Variants in COLEC12 observed in about 807,000 individuals in gnomAD.
COLEC12 encodes the protein collectin subfamily member 12.
In COLEC12, 33 loss-of-function variants were observed where a neutral mutation model predicts 71.1. The ratio of observed to expected loss-of-function variants is 0.46; its 90% CI spans 0.35 to 0.62. The LOEUF (loss-of-function observed/expected upper bound fraction) is 0.62, where lower values mean the gene tolerates loss of function less well. Ranked by LOEUF, COLEC12 falls within the 20% of genes least tolerant of loss-of-function variation. COLEC12 has a pLI of 0.00. For missense variants in COLEC12, 765 were observed against 916.1 expected (o/e 0.84, Z 2.13); for synonymous variants, 350 against 353.0 (o/e 0.99, Z 0.10).
chr18:460,341 C>G (rs1916957933), intron 2 of COLEC12, among the ~76,000 whole-genome samples: 1 of 152,114 alleles, frequency 6.6e-6, no homozygotes, highest in Non-Finnish European at 1.5e-5. Flanking sequence ...CATCCCCAGC[C>G]CAAGTTTCAT....
chr18:497,744 C>T (rs1462573933), intron 1 of COLEC12, among the ~76,000 whole-genome samples: 3 of 152,230 alleles, frequency 2.0e-5, no homozygotes, highest in Admixed American at 1.3e-4. Context: ...ATTTACAAGG[C>T]TTGTCGTTGC....
At chr18:414,431 T>C (rs1022244642) in intron 2 of COLEC12, among the ~76,000 whole-genome samples, 1 of 151,964 alleles carries the variant, frequency 6.6e-6, no homozygotes, top group African/African-American at 2.4e-5. Flanking sequence ...AAACCTCGAC[T>C]CTACTAAAAA....
intron 2 of COLEC12, among the ~76,000 whole-genome samples, chr18:467,726 G>A (rs548282642): frequency 1.3e-5 from 2 of 152,086 alleles, no homozygotes; most frequent in Admixed American, 6.5e-5. Context: ...AACAGAGTTC[G>A]TTCAAAACAT....
rs774389385 is a variant in COLEC12, at chr18:347,061, C to T, written c.561G>A (p.Val187=). The T allele has an allele frequency of 2.5e-6, 4 of 1,614,032 alleles. No homozygotes were observed. Among genetic ancestry groups the T allele is most frequent in the African/African-American group, 2.7e-5 (2 of 74,910 alleles). ...TTTGGTTCTGCAGATTGCCCTGGAGCACGCTGGTATCTTGCTGCAGATTCG... is the reference window on the plus strand; with the variant it reads ...TTTGGTTCTGCAGATTGCCCTGGAGTACGCTGGTATCTTGCTGCAGATTCG... ...YVTNLQQDTS[V]LQGNLQNQMY... The change falls in exon 5 of 10, where the codon GTG becomes GTA. Residue 187 remains valine (V), a synonymous_variant. Transcript: ENST00000400256.
chr18:448,300 T>C (rs1209150365), intron 2 of COLEC12, among the ~76,000 whole-genome samples: 1 of 152,236 alleles, frequency 6.6e-6, no homozygotes, highest in Non-Finnish European at 1.5e-5. Flanking sequence ...GAGCGTTCGC[T>C]AAAGTCTGAT....
At chr18:475,510 G>A (rs1193649585) in intron 2 of COLEC12, among the ~76,000 whole-genome samples, 3 of 152,156 alleles carry the variant, frequency 2.0e-5, no homozygotes, top group Non-Finnish European at 4.4e-5. Flanking sequence ...GCAGAGGGGA[G>A]ACAGGCAGCC....
chr18:436,536 G>C lies in COLEC12; in HGVS notation c.58+44171C>G, dbSNP rs1461394552. Among the ~76,000 whole-genome samples the C allele has an allele frequency of 1.4e-4, 19 of 137,330 alleles. 2 individuals carry two copies. Among genetic ancestry groups the C allele is most frequent in the Non-Finnish European group, 2.0e-4 (13 of 63,476 alleles). 90.1% of individuals were successfully genotyped at this position (137,330 alleles called of 152,430 possible). A position where few individuals can be genotyped will look rare whatever the true frequency, so the allele number is the denominator to read the frequency against. On this transcript the variant is annotated intron_variant, in intron 2 of 9. Coordinates refer to ENST00000400256, the MANE Select transcript of COLEC12 (RefSeq NM_130386.3). Reference sequence around the variant, plus strand: ...ATCTCAAAAAAAAAAGGGGGGGGGGGGGGAAACAGGGGTGGCTTTCTGGAA... The same window carrying C: ...ATCTCAAAAAAAAAAGGGGGGGGGGCGGGAAACAGGGGTGGCTTTCTGGAA...
chr18:365,240 T>C (rs1466964370), intron 2 of COLEC12, among the ~76,000 whole-genome samples: 1 of 152,334 alleles, frequency 6.6e-6, no homozygotes, highest in East Asian at 1.9e-4. Flanking sequence ...GTGACATACT[T>C]AAGCAGCAAG....
intron 5 of COLEC12, among the ~76,000 whole-genome samples, chr18:342,215 G>A (rs967285992): frequency 1.3e-5 from 2 of 150,668 alleles, no homozygotes; most frequent in African/African-American, 2.4e-5. Flanking sequence ...GTGCCACCAC[G>A]CCCGGTTAAT....
intron 2 of COLEC12, among the ~76,000 whole-genome samples, chr18:361,060 T>G (rs925707875): frequency 2.0e-5 from 3 of 152,198 alleles, no homozygotes; most frequent in Non-Finnish European, 4.4e-5. Context: ...CACCATCATT[T>G]CTTCTCTTGT....
chr18:395,650 G>T (rs7236696), intron 2 of COLEC12, among the ~76,000 whole-genome samples: 95 of 152,226 alleles, frequency 6.2e-4, no homozygotes, highest in African/African-American at 2.1e-3. Context: ...AGAGTCAGCC[G>T]ACAAATTGGA....
chr18:403,896 T>C (rs1312482011), intron 2 of COLEC12, among the ~76,000 whole-genome samples: 1 of 152,212 alleles, frequency 6.6e-6, no homozygotes, highest in East Asian at 1.9e-4. Context: ...AAACAAAGGA[T>C]TGGAAGAGGC....
chr18:411,784 T>C (rs542263111), intron 2 of COLEC12, among the ~76,000 whole-genome samples: 4 of 152,236 alleles, frequency 2.6e-5, no homozygotes, highest in African/African-American at 9.6e-5. Context: ...CATGCACCTG[T>C]AGTTCCTGGG....
intron 2 of COLEC12, among the ~76,000 whole-genome samples, chr18:389,355 T>G (rs1194089520): frequency 6.6e-6 from 1 of 151,388 alleles, no homozygotes. Context: ...CTCGGCTCAC[T>G]GCAAGCTCCG....
intron 2 of COLEC12, among the ~76,000 whole-genome samples, chr18:459,830 C>G (rs1355991334): frequency 6.6e-6 from 1 of 152,204 alleles, no homozygotes; most frequent in Non-Finnish European, 1.5e-5. Flanking sequence ...AACCCTGAAA[C>G]CAATCTAGGA....
intron 2 of COLEC12, among the ~76,000 whole-genome samples, chr18:455,808 C>G (rs1468666921): frequency 6.6e-6 from 1 of 152,172 alleles, no homozygotes; most frequent in Non-Finnish European, 1.5e-5. Flanking sequence ...TCGTCCATGT[C>G]CCTGCAAAGA....
intron 2 of COLEC12, among the ~76,000 whole-genome samples, chr18:471,327 TC>T (rs2143753842): frequency 6.6e-6 from 1 of 151,890 alleles, no homozygotes; most frequent in Non-Finnish European, 1.5e-5. Context: ...TGGAACTTTC[TC>T]ATTTTTTTTC....
chr18:357,007 T>C (rs1914641240), intron 3 of COLEC12, among the ~76,000 whole-genome samples: 1 of 152,178 alleles, frequency 6.6e-6, no homozygotes, highest in Non-Finnish European at 1.5e-5. Flanking sequence ...CTGGAGATCT[T>C]GTGTTTTGCT....
At chr18:329,604 T>A (rs934214930) in intron 8 of COLEC12, among the ~76,000 whole-genome samples, 4 of 152,150 alleles carry the variant, frequency 2.6e-5, no homozygotes, top group Admixed American at 2.0e-4. Context: ...AAGTGCCAGA[T>A]TATGCCAGGG....
Sources: allele counts gnomAD v4.1 joint callset (sites outside exome capture counted in the v4.1 genomes callset), GRCh38; gene constraint gnomAD v4.1.1; transcripts MANE v1.5; gene names NCBI Gene and HGNC (gene_info 2026-07-23, HGNC 2026-07-21).